Variants in ADCY3 observed in about 807,000 individuals in gnomAD.
ADCY3 encodes the protein adenylate cyclase 3, also known as adenylate cyclase type 3.
In ADCY3, 70 loss-of-function variants were observed where a neutral mutation model predicts 119.4. The ratio of observed to expected loss-of-function variants is 0.59; its 90% CI spans 0.48 to 0.72. The LOEUF (loss-of-function observed/expected upper bound fraction) is 0.72. Among genes scored for constraint, ADCY3 ranks in the 30% least tolerant of loss-of-function variants. The pLI is 0.00. For missense variants in ADCY3, 1,238 were observed against 1,541.6 expected, an observed-to-expected ratio of 0.80 and a Z score of 3.30; for synonymous variants, 672 against 621.4, an observed-to-expected ratio of 1.08 and a Z score of -1.21.
In ADCY3 at chr2:24,819,916, G is replaced by A; in HGVS notation, c.*16C>T. 1 of 1,611,652 alleles carries A rather than the reference G, an allele frequency of 6.2e-7. No individual in the cohort carries two copies. Among genetic ancestry groups the A allele is most frequent in the Non-Finnish European group, 8.5e-7 (1 of 1,179,150 alleles). On this transcript the variant is annotated 3_prime_UTR_variant, in exon 22 of 22. Coordinates refer to ENST00000679454, the MANE Select transcript of ADCY3 (RefSeq NM_004036.5). ...ATTCTCCCTTCCGGTTTGGACTGTT[G>A]CAGGCTCGAGGCCATTCAGGAGTTG...
At chr2:24,850,538 C>T (rs1269414199) in intron 3 of ADCY3, among the ~76,000 whole-genome samples, 1 of 152,154 alleles carries the variant, frequency 6.6e-6, no homozygotes, top group Admixed American at 6.5e-5. Context: ...GGCTTGGTCT[C>T]CCCAGCGTGG....
chr2:24,856,303 T>G (rs1231264815), intron 3 of ADCY3, among the ~76,000 whole-genome samples: 1 of 152,180 alleles, frequency 6.6e-6, no homozygotes, highest in African/African-American at 2.4e-5. Context: ...GTCTGTAGGG[T>G]AGGTGTGTCC....
At chr2:24,900,579 G>C (rs940366529) in intron 2 of ADCY3, among the ~76,000 whole-genome samples, 6 of 151,950 alleles carry the variant, frequency 3.9e-5, no homozygotes, top group African/African-American at 1.4e-4. Context: ...CCTGAGCAAT[G>C]CGCTTTAGTC....
At chr2:24,854,723 G>T (rs1672800500) in intron 3 of ADCY3, among the ~76,000 whole-genome samples, 1 of 152,100 alleles carries the variant, frequency 6.6e-6, no homozygotes, top group South Asian at 2.1e-4. Context: ...TTAGAAGGGG[G>T]ACACCTACCA....
rs572984028 is a variant in ADCY3 at position 24,914,108 on chromosome 2, C to G, written c.675+4205G>C. On this transcript the variant is annotated intron_variant, in intron 2 of 21. Coordinates refer to ENST00000679454, the MANE Select transcript of ADCY3 (RefSeq NM_004036.5). ...TAGGGCAGTAAAGGGCAAGTAATTC[C>G]GTAACAGGTCCTGGGGCAGGACCCA... Among the ~76,000 whole-genome samples, 13 of 152,286 alleles carry G rather than the reference C, an allele frequency of 8.5e-5. No individual in the cohort carries two copies. The East Asian group carries it at 2.5e-3, about 29-fold the overall frequency.
intron 3 of ADCY3, among the ~76,000 whole-genome samples, chr2:24,850,497 G>T (rs1038505918): frequency 3.3e-5 from 5 of 152,182 alleles, no homozygotes; most frequent in African/African-American, 9.7e-5. Context: ...AGCAGCCTAG[G>T]ATTGCTCAGG....
At chr2:24,830,900 A>T (rs912523590) in intron 12 of ADCY3, 75 bp from the exon 13 acceptor site, 58 of 1,193,588 alleles carry the variant, frequency 4.9e-5, no homozygotes, top group Non-Finnish European at 6.5e-5. Context: ...ACAGCAACTC[A>T]GGCTGGTCCC....
intron 3 of ADCY3, among the ~76,000 whole-genome samples, chr2:24,844,891 G>T (rs1671487165): frequency 6.6e-6 from 1 of 152,222 alleles, no homozygotes; most frequent in South Asian, 2.1e-4. Context: ...TGTTGTGGGA[G>T]GGACCCAGAG....
At chr2:24,869,024 AAAAT>A (rs1674652672) in intron 3 of ADCY3, among the ~76,000 whole-genome samples, 1 of 152,226 alleles carries the variant, frequency 6.6e-6, no homozygotes, top group South Asian at 2.1e-4. Context: ...ACTCCGTCTC[AAAAT>A]AAATAAATAA....
rs1272584308 is a variant in ADCY3, at chr2:24,824,383, C to A, written c.2731G>T (p.Asp911Tyr). 6.2e-7 allele frequency: 1 copy of A among 1,614,052 alleles called. No homozygotes were observed. Among genetic ancestry groups the A allele is most frequent in the Non-Finnish European group, 8.5e-7 (1 of 1,180,020 alleles). ...GCTGAGACCACACCCCTCACCTCATCTCTCTTCTTGGACCCCAGGAAATGG... is the reference window on the plus strand; with the variant it reads ...GCTGAGACCACACCCCTCACCTCATATCTCTTCTTGGACCCCAGGAAATGG... Reference protein sequence around the residue: ...ARHFLGSKKRDEELYSQTYDE... With the variant: ...ARHFLGSKKRYEELYSQTYDE... The change falls in exon 17 of 22, where the codon GAT (aspartate) becomes TAT (tyrosine). Residue 911 changes from aspartate (D) to tyrosine (Y), a missense_variant. Around this residue, in one of 7 missense-constraint regions of ADCY3, gnomAD observed 499 missense variants for 571.0 expected, o/e 0.87. Transcript: ENST00000679454.
At chr2:24,845,385 G>A (rs1213065723) in intron 3 of ADCY3, among the ~76,000 whole-genome samples, 4 of 152,206 alleles carry the variant, frequency 2.6e-5, no homozygotes, top group African/African-American at 9.7e-5. Flanking sequence ...AGGCTGAGGT[G>A]GTCTCAGATG....
chr2:24,864,212 C>T (rs1003521113), intron 3 of ADCY3, among the ~76,000 whole-genome samples: 1 of 152,154 alleles, frequency 6.6e-6, no homozygotes, highest in African/African-American at 2.4e-5. Context: ...ATAGCTTGAA[C>T]CCGGAGGCGG....
At chr2:24,846,727 T>C in intron 3 of ADCY3, among the ~76,000 whole-genome samples, 1 of 152,060 alleles carries the variant, frequency 6.6e-6, no homozygotes, top group East Asian at 1.9e-4. Flanking sequence ...TACAGGTGCC[T>C]GCCCCCATGC....
chr2:24,820,666 T>C, intron 21 of ADCY3, 58 bp downstream of exon 21: 1 of 1,607,166 alleles, frequency 6.2e-7, no homozygotes, highest in South Asian at 1.1e-5. Flanking sequence ...GAAAGCACTG[T>C]TCCGGTTTTG....
At position 24,840,051 on chromosome 2, in the gene ADCY3, A is replaced by G. The variant is rs769794046; in HGVS notation, c.1197-20T>C. The G allele has an allele frequency of 3.1e-6, 5 of 1,595,708 alleles. No homozygotes were observed. The highest frequency in any genetic ancestry group is 4.5e-5 in the East Asian group (2 of 44,410). Reference sequence around the variant, plus strand: ...ACATACCTGCCAGGTACACACAGAAAGGAGGGTCAGGGTGTGGCCTTCACG... The same window carrying G: ...ACATACCTGCCAGGTACACACAGAAGGGAGGGTCAGGGTGTGGCCTTCACG... On this transcript the variant is annotated intron_variant, in intron 6 of 21. Transcript: ENST00000679454.
At chr2:24,854,145 C>A (rs1672731662) in intron 3 of ADCY3, among the ~76,000 whole-genome samples, 1 of 152,198 alleles carries the variant, frequency 6.6e-6, no homozygotes, top group Non-Finnish European at 1.5e-5. Context: ...TAGGGGGTGG[C>A]AGGGTTCCAG....
intron 2 of ADCY3, among the ~76,000 whole-genome samples, chr2:24,913,302 T>C (rs1436766230): frequency 1.4e-5 from 2 of 138,734 alleles, no homozygotes; most frequent in Non-Finnish European, 3.0e-5. Context: ...ACAGGGAACA[T>C]CGTCATGGGC....
intron 6 of ADCY3, chr2:24,840,525 C>T (rs1371256521): frequency 2.1e-6 from 1 of 467,726 alleles, no homozygotes; most frequent in Admixed American, 2.4e-5. Context: ...GGGCTTTAAC[C>T]TGGAAGATGG....
chr2:24,826,017 G>C (rs767487859), intron 16 of ADCY3, 28 bp downstream of exon 16: 1 of 1,608,920 alleles, frequency 6.2e-7, no homozygotes, highest in Non-Finnish European at 8.5e-7. Flanking sequence ...TGTGGGCACA[G>C]AGCGGGGATC....
Sources: gnomAD v4.1 joint callset for allele counts (sites outside exome capture counted in the v4.1 genomes callset) on GRCh38, gnomAD v4.1.1 for gene constraint, gnomAD v4.1.1 regional missense constraint, MANE v1.5 for transcripts, NCBI Gene and HGNC (gene_info 2026-07-23, HGNC 2026-07-21) for gene names.